The following MRTFA variants were observed in gnomAD, a reference collection of about 807,000 sequenced individuals.
The protein encoded by MRTFA is myocardin related transcription factor A.
A neutral mutation model predicts 83.5 loss-of-function variants in MRTFA; 20 were observed. The observed-to-expected ratio is 0.24, with a 90% confidence interval of 0.17 to 0.35. The LOEUF (loss-of-function observed/expected upper bound fraction) is 0.35, where lower values mean the gene tolerates loss of function less well. Ranked by LOEUF, MRTFA falls within the 10% of genes least tolerant of loss-of-function variation. The pLI is 1.00. For missense variants in MRTFA, 1,200 were observed against 1,224.7 expected (o/e 0.98, Z 0.30); for synonymous variants, 659 against 541.2 (o/e 1.22, Z -3.02).
rs778404892 is a variant in MRTFA, at chr22:40,418,704, C to T, written c.2034G>A (p.Glu678=). ...TCAGCTGGCAGCTGGAGAAGCTGTTCTCCTGCTTCACGGGGGTGCCGAGGG... is the reference window on the plus strand; with the variant it reads ...TCAGCTGGCAGCTGGAGAAGCTGTTTTCCTGCTTCACGGGGGTGCCGAGGG... The change falls in exon 12 of 15, where the codon GAG becomes GAA. Residue 678 remains glutamate (E), a synonymous_variant. Coordinates refer to ENST00000355630, the MANE Select transcript of MRTFA (RefSeq NM_020831.6). 2.6e-5 allele frequency: 39 copies of T among 1,481,832 alleles called. No individual in the cohort carries two copies. The highest frequency in any genetic ancestry group is 4.9e-5 in the Admixed American group (2 of 40,488). The allele number at this position is 1,481,832 out of a possible 1,614,324, so 91.8% of individuals were successfully genotyped here.
rs2055796262 is a variant in MRTFA, at chr22:40,571,742, C to A, written c.-21-19375G>T. 2.0e-5 allele frequency among the ~76,000 whole-genome samples: 3 copies of A among 151,126 alleles called. 1 individual carries two copies. The South Asian group carries it at 6.3e-4, about 32-fold the overall frequency. On this transcript the variant is annotated intron_variant, in intron 2 of 14. Coordinates refer to ENST00000355630, the MANE Select transcript of MRTFA (RefSeq NM_020831.6). ...GACCATCCTGACTAACATGATGAAA[C>A]CCCGTCTCTACTAACAAGACCAAAA...
intron 2 of MRTFA, among the ~76,000 whole-genome samples, chr22:40,553,518 C>A (rs985743712): frequency 6.6e-6 from 1 of 152,116 alleles, no homozygotes; most frequent in African/African-American, 2.4e-5. Flanking sequence ...AGCGTGCAAG[C>A]CCAAAACCTC....
intron 4 of MRTFA, among the ~76,000 whole-genome samples, chr22:40,439,726 A>G (rs770267263): frequency 6.6e-6 from 1 of 152,176 alleles, no homozygotes; most frequent in African/African-American, 2.4e-5. Flanking sequence ...AGGGCTCTCA[A>G]GCATTGAGAA....
At chr22:40,447,172 A>G (rs779926059) in intron 4 of MRTFA, among the ~76,000 whole-genome samples, 6 of 151,918 alleles carry the variant, frequency 3.9e-5, no homozygotes, top group Admixed American at 2.0e-4. Flanking sequence ...CCTGGGCAAT[A>G]TAGTGAAACT....
chr22:40,518,142 A>G (rs138552984), intron 3 of MRTFA, among the ~76,000 whole-genome samples: 172 of 152,288 alleles, frequency 1.1e-3, no homozygotes, highest in African/African-American at 3.9e-3. Context: ...GACAAATTTA[A>G]GTAAAGGGCC....
At chr22:40,556,116 A>C (rs538380635) in intron 2 of MRTFA, among the ~76,000 whole-genome samples, 3 of 149,784 alleles carry the variant, frequency 2.0e-5, no homozygotes, top group African/African-American at 7.3e-5. Flanking sequence ...TGGACAATGA[A>C]AAAATTTTAA....
intron 2 of MRTFA, among the ~76,000 whole-genome samples, chr22:40,589,462 C>T (rs62236974): frequency 1.3e-4 from 20 of 152,234 alleles, no homozygotes; most frequent in Non-Finnish European, 2.9e-4. Context: ...AACTGCTGAG[C>T]CAGGGTTCAA....
intron 4 of MRTFA, among the ~76,000 whole-genome samples, chr22:40,440,796 T>C (rs2053260825): frequency 1.3e-5 from 2 of 152,042 alleles, no homozygotes; most frequent in Non-Finnish European, 2.9e-5. Context: ...CAAATGACAA[T>C]GGGGAGTCAG....
chr22:40,508,275 C>T (rs1443785685), intron 3 of MRTFA, among the ~76,000 whole-genome samples: 1 of 151,786 alleles, frequency 6.6e-6, no homozygotes, highest in African/African-American at 2.4e-5. Flanking sequence ...TTTGGGAGGC[C>T]GAGGCGGGCA....
chr22:40,560,902 A>T (rs941394733), intron 2 of MRTFA, among the ~76,000 whole-genome samples: 2 of 152,250 alleles, frequency 1.3e-5, no homozygotes, highest in African/African-American at 4.8e-5. Flanking sequence ...GGAAGAACGT[A>T]GACAGCTACT....
intron 3 of MRTFA, among the ~76,000 whole-genome samples, chr22:40,547,853 C>CAA (rs1056609474): frequency 1.8e-4 from 9 of 51,228 alleles, no homozygotes; most frequent in South Asian, 5.9e-4. Context: ...GACTGTCTCC[C>CAA]AAAAAAAAAA....
chr22:40,438,717 A>G (rs1265633713), intron 4 of MRTFA, among the ~76,000 whole-genome samples: 1 of 152,116 alleles, frequency 6.6e-6, no homozygotes, highest in Non-Finnish European at 1.5e-5. Context: ...AAATTGCTCT[A>G]ATTTCTTACT....
chr22:40,582,247 C>A (rs1346673883), intron 2 of MRTFA, among the ~76,000 whole-genome samples: 1 of 152,204 alleles, frequency 6.6e-6, no homozygotes, highest in Non-Finnish European at 1.5e-5. Context: ...TGTATTGGTA[C>A]ACCATTCCTT....
chr22:40,480,323 A>C (rs1033459274), intron 3 of MRTFA, among the ~76,000 whole-genome samples: 1 of 151,520 alleles, frequency 6.6e-6, no homozygotes, highest in African/African-American at 2.4e-5. Context: ...ATTGTTGCCC[A>C]GGCTGGCCTT....
In MRTFA at chr22:40,531,453, A is replaced by T. The variant is rs978287709; in HGVS notation, c.241+20653T>A. ...AAACCCCCAAGCTCCAAATATTCAA[A>T]TGAAAATTGTTCATAAATATAAAAC... On this transcript the variant is annotated intron_variant, in intron 3 of 14. Coordinates refer to ENST00000355630, the MANE Select transcript of MRTFA (RefSeq NM_020831.6). 3.9e-5 allele frequency among the ~76,000 whole-genome samples: 6 copies of T among 152,002 alleles called. No homozygotes were observed. In the East Asian group the frequency reaches 1.2e-3, roughly 29 times the overall value.
At chr22:40,427,720 C>CAA (rs1207151268) in intron 7 of MRTFA, among the ~76,000 whole-genome samples, 2 of 152,196 alleles carry the variant, frequency 1.3e-5, no homozygotes, top group African/African-American at 4.8e-5. Flanking sequence ...TTATGTATAA[C>CAA]AAGCCCCTTT....
rs759159229 is a variant in MRTFA, at chr22:40,416,820, G to A, written c.2578+166C>T. ...GGACGGCACCTTCCCTGGTCCTCTC[G>A]CCCAGGCCTTGGAGACGGGAGGGCT... On this transcript the variant is annotated intron_variant, in intron 14 of 14. Transcript: ENST00000355630. This position sits in a 1 kb window ranked among gnomAD's most constrained non-coding sequence, Gnocchi z 4.2. 2.6e-5 allele frequency among the ~76,000 whole-genome samples: 4 copies of A among 152,160 alleles called. No individual in the cohort carries two copies. Among genetic ancestry groups the A allele is most frequent in the African/African-American group, 7.2e-5 (3 of 41,448 alleles).
intron 2 of MRTFA, among the ~76,000 whole-genome samples, chr22:40,585,607 G>T (rs2056016523): frequency 6.6e-6 from 1 of 152,176 alleles, no homozygotes; most frequent in African/African-American, 2.4e-5. Flanking sequence ...GTGGGGGAAA[G>T]AAAGTAATAG....
chr22:40,482,394 C>A (rs182367427), intron 3 of MRTFA, among the ~76,000 whole-genome samples: 3 of 152,154 alleles, frequency 2.0e-5, no homozygotes, highest in East Asian at 1.9e-4. Context: ...TCATCTCCCC[C>A]CTTGAGGTGA....
Sources: allele counts gnomAD v4.1 joint callset (sites outside exome capture counted in the v4.1 genomes callset), GRCh38; gene constraint gnomAD v4.1.1; non-coding constraint Gnocchi (gnomAD v3.1); transcripts MANE v1.5; gene names NCBI Gene and HGNC (gene_info 2026-07-23, HGNC 2026-07-21).